BCL7A: variants seen among roughly 807,000 people sequenced by gnomAD.
The protein encoded by BCL7A is B-cell CLL/lymphoma 7 protein family member A.
A neutral mutation model predicts 28.4 loss-of-function variants in BCL7A; 11 were observed. The ratio of observed to expected loss-of-function variants is 0.39; its 90% CI spans 0.24 to 0.64. BCL7A has a LOEUF of 0.64. BCL7A is among the 30% of genes least tolerant of loss of function. The pLI is 0.50. For synonymous variants in BCL7A, 123 were observed against 103.3 expected (o/e 1.19, Z -1.15); for missense variants, 222 against 274.8 (o/e 0.81, Z 1.36).
chr12:122,048,418 G>C (rs575169766), intron 4 of BCL7A, among the ~76,000 whole-genome samples: 1 of 152,248 alleles, frequency 6.6e-6, no homozygotes, highest in African/African-American at 2.4e-5. Flanking sequence ...CTCCAGGAAT[G>C]CTTCTTGGAG....
At chr12:122,030,663 G>A (rs1883723930) in intron 1 of BCL7A, 37 bp from the exon 2 acceptor site, 1 of 1,584,824 alleles carries the variant, frequency 6.3e-7, no homozygotes, top group African/African-American at 1.3e-5. Context: ...CAGGGATGAA[G>A]AGTCCCCGGT....
At chr12:122,023,116 A>C (rs1172523963) in intron 1 of BCL7A, among the ~76,000 whole-genome samples, 1 of 152,144 alleles carries the variant, frequency 6.6e-6, no homozygotes, top group Non-Finnish European at 1.5e-5. Flanking sequence ...CATTAAGGGG[A>C]TCGAACCTTT....
chr12:122,023,972 T>A (rs1883546195), intron 1 of BCL7A, among the ~76,000 whole-genome samples: 1 of 152,184 alleles, frequency 6.6e-6, no homozygotes, highest in South Asian at 2.1e-4. Context: ...CTACTCCAGG[T>A]TCCCGGCTGG....
chr12:122,051,291 C>T (rs935053430), intron 4 of BCL7A, among the ~76,000 whole-genome samples: 7 of 152,010 alleles, frequency 4.6e-5, no homozygotes, highest in Non-Finnish European at 8.8e-5. Flanking sequence ...CCGAGCTGCC[C>T]GTGGGAAGGG....
In BCL7A at chr12:122,022,897, G is replaced by A. The variant is rs1883501832; in HGVS notation, c.92+714G>A. 4.0e-5 allele frequency among the ~76,000 whole-genome samples: 6 copies of A among 151,160 alleles called. No homozygotes were observed. The South Asian group carries it at 1.3e-3, about 32-fold the overall frequency. ...CACGTCCCACCCCGCTCTGCGCGGCGCCCCGGGCGGGGGGCTCGGGCCAGC... is the reference window on the plus strand; with the variant it reads ...CACGTCCCACCCCGCTCTGCGCGGCACCCCGGGCGGGGGGCTCGGGCCAGC... On this transcript the variant is annotated intron_variant, in intron 1 of 5. Transcript: ENST00000261822.
At position 122,059,202 on chromosome 12, in the gene BCL7A, G is replaced by T; in HGVS notation, c.*39G>T. 1 of 1,562,086 alleles carries T rather than the reference G, an allele frequency of 6.4e-7. No homozygotes were observed. Among genetic ancestry groups the T allele is most frequent in the African/African-American group, 1.4e-5 (1 of 73,874 alleles). ...GCCTCCGATCCATGTTCCATGGAAGGTACATCAGCAATTAATTCTAGAGCA... is the reference window on the plus strand; with the variant it reads ...GCCTCCGATCCATGTTCCATGGAAGTTACATCAGCAATTAATTCTAGAGCA... On this transcript the variant is annotated 3_prime_UTR_variant, in exon 6 of 6. Transcript: ENST00000261822. This position sits in a 1 kb window ranked among gnomAD's most constrained non-coding sequence, Gnocchi z 4.0.
In BCL7A at chr12:122,047,298, C is replaced by T. The variant is rs978596900; in HGVS notation, c.439+3245C>T. Among the ~76,000 whole-genome samples the T allele has an allele frequency of 3.3e-5, 5 of 150,930 alleles. 1 individual carries two copies. The highest frequency in any genetic ancestry group is 7.4e-5 in the Non-Finnish European group (5 of 67,522). ...CCGCACTTTGGGAGGCTGAGGCGGG[C>T]GGATCACAAGGTCAGGAGATTGAGA... On this transcript the variant is annotated intron_variant, in intron 4 of 5. Transcript: ENST00000261822.
chr12:122,056,474 A>C (rs1158893376), intron 5 of BCL7A, among the ~76,000 whole-genome samples: 1 of 151,936 alleles, frequency 6.6e-6, no homozygotes, highest in African/African-American at 2.4e-5. Flanking sequence ...TGGAGGATGT[A>C]CTCCAGTAAA....
chr12:122,029,998 T>A lies in BCL7A; in HGVS notation c.93-702T>A, dbSNP rs890597070. On this transcript the variant is annotated intron_variant, in intron 1 of 5. Transcript: ENST00000261822. This position sits in a 1 kb window ranked among gnomAD's most constrained non-coding sequence, Gnocchi z 4.3. ...TAAACCTGCCTCTCACAGTGGGGGG[T>A]CTGGACTCCGTCCTTCAGGCGTTTG... Among the ~76,000 whole-genome samples, 1 of 151,776 alleles carries A rather than the reference T, an allele frequency of 6.6e-6. No individual in the cohort carries two copies. Among genetic ancestry groups the A allele is most frequent in the Non-Finnish European group, 1.5e-5 (1 of 67,914 alleles).
intron 1 of BCL7A, among the ~76,000 whole-genome samples, chr12:122,023,927 G>C (rs757940867): frequency 2.0e-5 from 3 of 152,156 alleles, no homozygotes; most frequent in Non-Finnish European, 2.9e-5. Flanking sequence ...CCGGCAAGCC[G>C]CCTTTCTCTG....
rs761150586 is a variant in BCL7A at position 122,043,988 on chromosome 12, G to A, written c.374G>A (p.Ser125Asn). The A allele has an allele frequency of 2.9e-5, 46 of 1,613,984 alleles. No individual in the cohort carries two copies. The highest frequency in any genetic ancestry group is 3.7e-5 in the Non-Finnish European group (44 of 1,180,014). ...CCAGAGCCCAACTCGGCTGTGCCCAGCGACGGCACCGAGGCCAAGGTGGAT... is the reference window on the plus strand; with the variant it reads ...CCAGAGCCCAACTCGGCTGTGCCCAACGACGGCACCGAGGCCAAGGTGGAT... ...PAPEPNSAVPSDGTEAKVDEA... is the reference protein window; with the variant it reads ...PAPEPNSAVPNDGTEAKVDEA... Residue 125 changes from serine (S) to asparagine (N), a missense_variant, in exon 4 of 6, where the codon AGC becomes AAC. Around this residue, in one of 2 missense-constraint regions of BCL7A, gnomAD observed 155 missense variants for 145.7 expected, o/e 1.06. Transcript: ENST00000261822.
At chr12:122,055,649 C>T (rs1951873345) in intron 5 of BCL7A, among the ~76,000 whole-genome samples, 2 of 152,244 alleles carry the variant, frequency 1.3e-5, no homozygotes, top group Admixed American at 6.5e-5. Flanking sequence ...GACAGAGTCT[C>T]ACTTTGTCAC....
intron 1 of BCL7A, among the ~76,000 whole-genome samples, chr12:122,026,278 A>G (rs559031208): frequency 1.3e-5 from 2 of 150,948 alleles, no homozygotes; most frequent in East Asian, 3.9e-4. Flanking sequence ...AAAAAAAAAA[A>G]AAAAAAAGAA....
chr12:122,035,552 G>C, intron 3 of BCL7A, 125 bp downstream of exon 3: 2 of 787,900 alleles, frequency 2.5e-6, no homozygotes, highest in African/African-American at 1.7e-5. Flanking sequence ...GGGCTGGGCA[G>C]GGCCCGGCGG....
At chr12:122,045,241 T>C (rs1884049535) in intron 4 of BCL7A, among the ~76,000 whole-genome samples, 1 of 151,394 alleles carries the variant, frequency 6.6e-6, no homozygotes, top group South Asian at 2.1e-4. Context: ...ATTAGCAGAG[T>C]GTGGTGGCAT....
chr12:122,035,352 G>A lies in BCL7A; in HGVS notation c.196G>A (p.Gly66Ser). 1 of 1,614,074 alleles carries A rather than the reference G, an allele frequency of 6.2e-7. No individual in the cohort carries two copies. Among genetic ancestry groups the A allele is most frequent in the Non-Finnish European group, 8.5e-7 (1 of 1,179,962 alleles). Reference sequence around the variant, plus strand: ...GCAGAAAAACAAGAATAAGAAAAAAGGCAAGGACGAGAAGTGTGGCTCAGA... The same window carrying A: ...GCAGAAAAACAAGAATAAGAAAAAAAGCAAGGACGAGAAGTGTGGCTCAGA... ...VDDKNKNKKK[G>S]KDEKCGSEVT... The change falls in exon 3 of 6, where the codon GGC (glycine) becomes AGC (serine). Residue 66 changes from glycine (G) to serine (S), a missense_variant. By Grantham distance (56) the Gly-to-Ser change is moderately conservative. Around this residue, in one of 2 missense-constraint regions of BCL7A, gnomAD observed 67 missense variants for 129.1 expected, o/e 0.52. Coordinates refer to ENST00000261822, the MANE Select transcript of BCL7A (RefSeq NM_001024808.3).
chr12:122,059,019 T>G lies in BCL7A; in HGVS notation c.562-73T>G, dbSNP rs1166836426. 2 of 1,364,070 alleles carry G rather than the reference T, an allele frequency of 1.5e-6. No homozygotes were observed. The highest frequency in any genetic ancestry group is 1.9e-4 in the Middle Eastern group (1 of 5,144). 84.5% of individuals were successfully genotyped at this position (1,364,070 alleles called of 1,614,324 possible). Reference sequence around the variant, plus strand: ...CGCTCGGTTCCTTCCTTGGCTGACCTTCGGCCTCACGCCTGGCCTAACTTG... The same window carrying G: ...CGCTCGGTTCCTTCCTTGGCTGACCGTCGGCCTCACGCCTGGCCTAACTTG... On this transcript the variant is annotated intron_variant, in intron 5 of 5. Coordinates refer to ENST00000261822, the MANE Select transcript of BCL7A (RefSeq NM_001024808.3). This position sits in a 1 kb window ranked among gnomAD's most constrained non-coding sequence, Gnocchi z 4.0.
At chr12:122,035,298 G>A (rs1883827559) in intron 2 of BCL7A, 33 bp from the exon 3 acceptor site, 4 of 1,585,396 alleles carry the variant, frequency 2.5e-6, no homozygotes, top group Admixed American at 1.7e-5. Context: ...ACATGATCTG[G>A]TGACTTGGTT....
intron 3 of BCL7A, among the ~76,000 whole-genome samples, chr12:122,037,670 G>C (rs1480850168): frequency 6.6e-6 from 1 of 152,040 alleles, no homozygotes; most frequent in East Asian, 1.9e-4. Flanking sequence ...ACAAACAATG[G>C]GTGCGGTGGC....
Sources: allele counts gnomAD v4.1 joint callset (sites outside exome capture counted in the v4.1 genomes callset), GRCh38; gene constraint gnomAD v4.1.1; regional missense constraint gnomAD v4.1.1; non-coding constraint Gnocchi (gnomAD v3.1); transcripts MANE v1.5; gene names NCBI Gene and HGNC (gene_info 2026-07-23, HGNC 2026-07-21).